EFNA5: variants seen among roughly 807,000 people sequenced by gnomAD.
EFNA5 encodes the protein ephrin A5, also known as ephrin-A5.
A neutral mutation model predicts 22.9 loss-of-function variants in EFNA5; 5 were observed. The ratio of observed to expected loss-of-function variants is 0.22; its 90% CI spans 0.11 to 0.46. EFNA5 has a LOEUF of 0.46. EFNA5 is among the 20% of genes least tolerant of loss of function. The pLI, the probability that EFNA5 is intolerant of heterozygous loss-of-function variation, is 0.99. For missense variants in EFNA5, 237 were observed against 293.3 expected (o/e 0.81, Z 1.40); for synonymous variants, 113 against 112.2 (o/e 1.01, Z -0.04).
chr5:107,417,593 G>C (rs544867111), intron 2 of EFNA5, among the ~76,000 whole-genome samples: 2 of 152,254 alleles, frequency 1.3e-5, no homozygotes, highest in South Asian at 4.1e-4. Context: ...AATAAAGAAA[G>C]AGAAAACAGA....
chr5:107,419,909 GA>G (rs1319382476), intron 2 of EFNA5, among the ~76,000 whole-genome samples: 1 of 152,154 alleles, frequency 6.6e-6, no homozygotes, highest in Non-Finnish European at 1.5e-5. Context: ...TTCATTGTCA[GA>G]AAGTACATTG....
chr5:107,491,854 A>C (rs1261130245), intron 1 of EFNA5, among the ~76,000 whole-genome samples: 1 of 152,152 alleles, frequency 6.6e-6, no homozygotes, highest in African/African-American at 2.4e-5. Context: ...ATTTTTTGAG[A>C]CAGAGTCTCA....
At chr5:107,569,453 GTGTA>G (rs1748732875) in intron 1 of EFNA5, among the ~76,000 whole-genome samples, 1 of 136,730 alleles carries the variant, frequency 7.3e-6, no homozygotes, top group African/African-American at 2.8e-5. Context: ...ATATATGTGT[GTGTA>G]TATATATTTA....
At position 107,657,676 on chromosome 5, in the gene EFNA5, A is replaced by G. The variant is rs1297160341; in HGVS notation, c.125+12813T>C. Among the ~76,000 whole-genome samples the G allele has an allele frequency of 3.9e-5, 6 of 152,168 alleles. No homozygotes were observed. The East Asian group carries it at 1.2e-3, about 29-fold the overall frequency. On this transcript the variant is annotated intron_variant, in intron 1 of 4. Transcript: ENST00000333274. The stretch of plus-strand genomic sequence containing the variant: ...TACTTAAGTGGTCACTGTCCTGTTC[A>G]TCTGTTTCCTTTCATAAAAATACAC...
At chr5:107,650,086 T>C (rs1291830883) in intron 1 of EFNA5, among the ~76,000 whole-genome samples, 1 of 152,134 alleles carries the variant, frequency 6.6e-6, no homozygotes, top group Non-Finnish European at 1.5e-5. Flanking sequence ...AAAATGCAGA[T>C]AACATATATA....
At chr5:107,421,131 CTTTGT>C (rs1748655167) in intron 2 of EFNA5, among the ~76,000 whole-genome samples, 1 of 152,158 alleles carries the variant, frequency 6.6e-6, no homozygotes, top group Admixed American at 6.5e-5. Context: ...ACTTAGGTTA[CTTTGT>C]TTTAAAAATT....
In EFNA5 at chr5:107,380,715, G is replaced by A; in HGVS notation, c.*540C>T. 1 of 398,654 alleles carries A rather than the reference G, an allele frequency of 2.5e-6. No homozygotes were observed. The highest frequency in any genetic ancestry group is 4.4e-6 in the Non-Finnish European group (1 of 226,236). 24.7% of individuals were successfully genotyped at this position (398,654 alleles called of 1,614,324 possible). On this transcript the variant is annotated 3_prime_UTR_variant, in exon 5 of 5. Transcript: ENST00000333274. ...CATTTACATACTCCTATAGGAAATGGTGTAATATCGTATCTATTCTTAATA... is the reference window on the plus strand; with the variant it reads ...CATTTACATACTCCTATAGGAAATGATGTAATATCGTATCTATTCTTAATA...
At chr5:107,570,886 C>T (rs1159005642) in intron 1 of EFNA5, among the ~76,000 whole-genome samples, 1 of 152,190 alleles carries the variant, frequency 6.6e-6, no homozygotes, top group East Asian at 1.9e-4. Context: ...AACAAACCTG[C>T]TGCCATTAAA....
chr5:107,666,864 G>T (rs936591522), intron 1 of EFNA5, among the ~76,000 whole-genome samples: 3 of 152,090 alleles, frequency 2.0e-5, no homozygotes. Context: ...GCATACTTCA[G>T]ATGAAGAGGC....
intron 1 of EFNA5, among the ~76,000 whole-genome samples, chr5:107,455,411 GA>G (rs1249046729): frequency 6.6e-6 from 1 of 152,116 alleles, no homozygotes. Flanking sequence ...TAGTGAGATA[GA>G]AAAAAATGCA....
At chr5:107,530,396 G>A (rs1239606919) in intron 1 of EFNA5, among the ~76,000 whole-genome samples, 6 of 152,180 alleles carry the variant, frequency 3.9e-5, no homozygotes, top group African/African-American at 1.4e-4. Flanking sequence ...ATTTCAAGTG[G>A]GTGGGGGAGT....
At chr5:107,660,287 T>TATAA (rs1750922839) in intron 1 of EFNA5, among the ~76,000 whole-genome samples, 1 of 110,466 alleles carries the variant, frequency 9.1e-6, no homozygotes, top group Non-Finnish European at 1.9e-5. Context: ...TATATATATA[T>TATAA]ATATATATAT....
intron 1 of EFNA5, among the ~76,000 whole-genome samples, chr5:107,644,892 G>C (rs1319738751): frequency 6.6e-6 from 1 of 152,062 alleles, no homozygotes; most frequent in East Asian, 1.9e-4. Context: ...GTAGAGATGG[G>C]GTTTCTCCAG....
chr5:107,540,827 A>G (rs1241764593), intron 1 of EFNA5, among the ~76,000 whole-genome samples: 1 of 152,200 alleles, frequency 6.6e-6, no homozygotes, highest in African/African-American at 2.4e-5. Context: ...AATCAAGAAA[A>G]AAAATTAAGG....
chr5:107,387,376 TTC>T lies in EFNA5; in HGVS notation c.485-63_485-62del, dbSNP rs2112487696. ...AGTGAAGACACCCTTAAACTCCCATTTCTTTCTTTTTTCTTTCTCTCCTTTTT... is the reference window on the plus strand; with the variant it reads ...AGTGAAGACACCCTTAAACTCCCATTTTTCTTTTTTCTTTCTCTCCTTTTT... On this transcript the variant is annotated intron_variant, in intron 3 of 4. Coordinates refer to ENST00000333274, the MANE Select transcript of EFNA5 (RefSeq NM_001962.3). 3 of 1,127,100 alleles carry T rather than the reference TTC, an allele frequency of 2.7e-6. No homozygotes were observed. In the South Asian group the frequency reaches 4.4e-5, roughly 16 times the overall value. The allele number at this position is 1,127,100 out of a possible 1,614,324, so 69.8% of individuals were successfully genotyped here. A position where few individuals can be genotyped will look rare whatever the true frequency, so the allele number is the denominator to read the frequency against.
chr5:107,479,540 AC>A (rs921675077), intron 1 of EFNA5, among the ~76,000 whole-genome samples: 1 of 151,962 alleles, frequency 6.6e-6, no homozygotes, highest in Non-Finnish European at 1.5e-5. Context: ...TTTTGAGGTT[AC>A]TCGAGACATG....
At chr5:107,616,204 T>C (rs930984319) in intron 1 of EFNA5, among the ~76,000 whole-genome samples, 45 of 152,340 alleles carry the variant, frequency 3.0e-4, no homozygotes, top group African/African-American at 1.0e-3. Flanking sequence ...ATGTGGTACT[T>C]TATCTTTAAT....
chr5:107,593,852 C>T (rs1319395735), intron 1 of EFNA5, among the ~76,000 whole-genome samples: 1 of 152,208 alleles, frequency 6.6e-6, no homozygotes, highest in African/African-American at 2.4e-5. Flanking sequence ...AGATCTAATT[C>T]CTTTCCTGAC....
intron 1 of EFNA5, among the ~76,000 whole-genome samples, chr5:107,660,254 G>T (rs1750917120): frequency 2.6e-5 from 2 of 77,442 alleles, no homozygotes; most frequent in Non-Finnish European, 2.7e-5. Context: ...CTCTGAGATG[G>T]CAAAAACATA....
Sources: allele counts gnomAD v4.1 joint callset (sites outside exome capture counted in the v4.1 genomes callset), GRCh38; gene constraint gnomAD v4.1.1; transcripts MANE v1.5; gene names NCBI Gene and HGNC (gene_info 2026-07-23, HGNC 2026-07-21).